The following R3HDM1 variants were observed in gnomAD, a reference collection of about 807,000 sequenced individuals.
The protein encoded by R3HDM1 is R3H domain containing 1, also known as R3H domain-containing protein 1.
Under a neutral mutation model 141.1 loss-of-function variants are expected in R3HDM1, and 46 were observed. The ratio of observed to expected loss-of-function variants is 0.33; its 90% CI spans 0.26 to 0.42. The LOEUF is 0.42. Among genes scored for constraint, R3HDM1 ranks in the 10% least tolerant of loss-of-function variants. The pLI is 1.00. For synonymous variants in R3HDM1, 435 were observed against 472.9 expected, an observed-to-expected ratio of 0.92 and a Z score of 1.04; for missense variants, 1,184 against 1,368.3, an observed-to-expected ratio of 0.87 and a Z score of 2.12.
chr2:135,635,588 G>A (rs1385945865), intron 9 of R3HDM1, among the ~76,000 whole-genome samples: 1 of 152,164 alleles, frequency 6.6e-6, no homozygotes, highest in Non-Finnish European at 1.5e-5. Flanking sequence ...AAAGAGAAAG[G>A]TTAAGTAACT....
chr2:135,645,426 C>T lies in R3HDM1; in HGVS notation c.1522C>T (p.Pro508Ser), dbSNP rs2064289321. 6 of 1,612,846 alleles carry T rather than the reference C, an allele frequency of 3.7e-6. No homozygotes were observed. The East Asian group carries it at 1.1e-4, about 30-fold the overall frequency. Residue 508 changes from proline (P) to serine (S), a missense_variant, in exon 16 of 27, where the codon CCT becomes TCT. Pro to Ser is a moderately conservative substitution (Grantham distance 74). This residue lies in a region of R3HDM1 where 563 missense variants were observed against 562.0 expected (regional missense o/e 1.00). Coordinates refer to ENST00000683871, the MANE Select transcript of R3HDM1 (RefSeq NM_001378107.1). ...TGGGAGTCCAGTTGTGTATAATCCTCCTATGACTCAACAACCAGTTAGATC... is the reference window on the plus strand; with the variant it reads ...TGGGAGTCCAGTTGTGTATAATCCTTCTATGACTCAACAACCAGTTAGATC... ...PDGSPVVYNPPMTQQPVRSQV... is the reference protein window; with the variant it reads ...PDGSPVVYNPSMTQQPVRSQV...
intron 21 of R3HDM1, among the ~76,000 whole-genome samples, chr2:135,704,701 C>T (rs957923243): frequency 6.6e-6 from 1 of 152,032 alleles, no homozygotes; most frequent in Non-Finnish European, 1.5e-5. Flanking sequence ...TCAAGTGAGC[C>T]GTCCTCCCCG....
Position 135,624,388 on chromosome 2 carries a change from C to T in R3HDM1, c.497+1656C>T, listed in dbSNP as rs145056585. Among the ~76,000 whole-genome samples the T allele has an allele frequency of 8.7e-3, 1,205 of 139,066 alleles. 22 individuals carry two copies. Among genetic ancestry groups the T allele is most frequent in the South Asian group, 0.039 (156 of 3,974 alleles). The allele number at this position is 139,066 out of a possible 152,430, so 91.2% of individuals were successfully genotyped here. On this transcript the variant is annotated intron_variant, in intron 7 of 26. Coordinates refer to ENST00000683871, the MANE Select transcript of R3HDM1 (RefSeq NM_001378107.1). ...CAGCCTGGGCGACAGGGCGAGACTC[C>T]GTCTCAAAAAAAAAAAAAAAAAAGG...
At chr2:135,635,791 CTTATT>C (rs2063189991) in intron 9 of R3HDM1, 94 bp from the exon 10 acceptor site, 25 of 1,425,006 alleles carry the variant, frequency 1.8e-5, no homozygotes, top group African/African-American at 2.9e-5. Flanking sequence ...AAAGTGGTAA[CTTATT>C]TTATTTCTTT....
chr2:135,692,099 G>C (rs1333587555), intron 21 of R3HDM1, among the ~76,000 whole-genome samples: 1 of 151,900 alleles, frequency 6.6e-6, no homozygotes, highest in Admixed American at 6.6e-5. Context: ...TTTTAGTGTA[G>C]GCGGGGTTCA....
chr2:135,683,840 A>G (rs72970222), intron 21 of R3HDM1, among the ~76,000 whole-genome samples: 25,436 of 151,962 alleles, frequency 0.17, 2,827 homozygotes, highest in South Asian at 0.32. Context: ...TATATAAATT[A>G]TATTTTATCC....
intron 1 of R3HDM1, among the ~76,000 whole-genome samples, chr2:135,539,360 C>T (rs1230793284): frequency 6.6e-6 from 1 of 152,142 alleles, no homozygotes; most frequent in Non-Finnish European, 1.5e-5. Flanking sequence ...ACCAGCATCA[C>T]CATAAACACG....
intron 19 of R3HDM1, among the ~76,000 whole-genome samples, chr2:135,662,311 A>C (rs1179011806): frequency 6.6e-6 from 1 of 152,240 alleles, no homozygotes; most frequent in Non-Finnish European, 1.5e-5. Flanking sequence ...GAAACTCGTC[A>C]GGGTTACCAC....
At chr2:135,596,748 A>C (rs995048795) in intron 1 of R3HDM1, among the ~76,000 whole-genome samples, 5 of 152,234 alleles carry the variant, frequency 3.3e-5, no homozygotes, top group African/African-American at 9.6e-5. Context: ...GGTATCGTGC[A>C]ACATGAATAT....
At chr2:135,606,527 A>T (rs1407973178) in intron 3 of R3HDM1, 1 of 151,984 alleles carries the variant, frequency 6.6e-6, no homozygotes, top group Non-Finnish European at 1.5e-5. Flanking sequence ...ACTTTGGGAG[A>T]CCGAGGTGAG....
intron 1 of R3HDM1, among the ~76,000 whole-genome samples, chr2:135,582,530 G>T (rs968644995): frequency 6.6e-6 from 1 of 152,130 alleles, no homozygotes; most frequent in African/African-American, 2.4e-5. Flanking sequence ...TGTTGGCAGT[G>T]TGACTCTGCT....
chr2:135,536,168 T>G lies in R3HDM1; in HGVS notation c.-250+4535T>G, dbSNP rs558915931. Among the ~76,000 whole-genome samples, 33 of 152,184 alleles carry G rather than the reference T, an allele frequency of 2.2e-4. No individual in the cohort carries two copies. In the South Asian group the frequency reaches 5.8e-3, roughly 27 times the overall value. On this transcript the variant is annotated intron_variant, in intron 1 of 26. Coordinates refer to ENST00000683871, the MANE Select transcript of R3HDM1 (RefSeq NM_001378107.1). The stretch of plus-strand genomic sequence containing the variant: ...TTTTTATTTTTTTAAGAGACAGGGA[T>G]TCACCCTGTCACCCAGACTGGAGTG...
intron 1 of R3HDM1, among the ~76,000 whole-genome samples, chr2:135,582,639 G>C (rs1167195874): frequency 5.9e-5 from 9 of 152,158 alleles, no homozygotes; most frequent in African/African-American, 2.2e-4. Context: ...GTATGGAGTA[G>C]TGGAAAAGAA....
chr2:135,654,859 A>T (rs1443093647), intron 18 of R3HDM1, among the ~76,000 whole-genome samples: 1 of 141,556 alleles, frequency 7.1e-6, no homozygotes, highest in African/African-American at 2.8e-5. Context: ...ATGTGTGTAT[A>T]TAAAGTGTGT....
intron 6 of R3HDM1, 83 bp downstream of exon 6, chr2:135,621,691 G>C (rs866726091): frequency 2.2e-6 from 3 of 1,378,164 alleles, no homozygotes; most frequent in Non-Finnish European, 2.8e-6. Flanking sequence ...ATTATATATA[G>C]TATATCTTTA....
chr2:135,625,748 C>A (rs2061952955), intron 7 of R3HDM1, among the ~76,000 whole-genome samples: 1 of 152,046 alleles, frequency 6.6e-6, no homozygotes, highest in African/African-American at 2.4e-5. Flanking sequence ...ATCATACCTA[C>A]ATAATGAAGA....
chr2:135,586,543 A>T (rs775338971), intron 1 of R3HDM1: 4 of 227,534 alleles, frequency 1.8e-5, no homozygotes, highest in Non-Finnish European at 2.9e-5. Context: ...TTTGTATAGA[A>T]TGTAATCTGA....
rs1332652082 is a variant in R3HDM1, at chr2:135,724,337, C to G, written c.*45C>G. The G allele has an allele frequency of 1.4e-6, 2 of 1,399,694 alleles. No individual in the cohort carries two copies. Among genetic ancestry groups the G allele is most frequent in the Non-Finnish European group, 2.0e-6 (2 of 1,019,570 alleles). 86.7% of individuals were successfully genotyped at this position (1,399,694 alleles called of 1,614,324 possible). ...CGCCTTTATGGTTCCCCTGCCCTCT[C>G]CCATCTTTGATTGGCTTGGTATTTG... On this transcript the variant is annotated 3_prime_UTR_variant, in exon 27 of 27. Coordinates refer to ENST00000683871, the MANE Select transcript of R3HDM1 (RefSeq NM_001378107.1).
chr2:135,691,349 C>T (rs2072341574), intron 21 of R3HDM1, among the ~76,000 whole-genome samples: 1 of 152,174 alleles, frequency 6.6e-6, no homozygotes, highest in African/African-American at 2.4e-5. Context: ...CATGGTGGCT[C>T]ATGCCTGTAA....
Sources: allele counts gnomAD v4.1 joint callset (sites outside exome capture counted in the v4.1 genomes callset), GRCh38; gene constraint gnomAD v4.1.1; regional missense constraint gnomAD v4.1.1; transcripts MANE v1.5; gene names NCBI Gene and HGNC (gene_info 2026-07-23, HGNC 2026-07-21).